UGT2B4: variants seen among roughly 807,000 people sequenced by gnomAD.
UGT2B4 encodes UDP-glucuronosyltransferase 2B4.
In UGT2B4, 49 loss-of-function variants were observed where a neutral mutation model predicts 49.8. The observed-to-expected ratio is 0.98, with a 90% CI of 0.78 to 1.25. The LOEUF (loss-of-function observed/expected upper bound fraction) is 1.25. Among genes scored for constraint, UGT2B4 ranks in the 50% most tolerant of loss-of-function variants. UGT2B4 has a pLI of 0.00. For synonymous variants in UGT2B4, 246 were observed against 217.7 expected, an observed-to-expected ratio of 1.13 and a Z score of -1.14; for missense variants, 729 against 627.7, an observed-to-expected ratio of 1.16 and a Z score of -1.73.
chr4:69,525,215 A>G (rs1728953426), intron 1 of UGT2B4, among the ~76,000 whole-genome samples: 1 of 152,200 alleles, frequency 6.6e-6, no homozygotes, highest in African/African-American at 2.4e-5. Context: ...TGACAAGTAA[A>G]GTCAAGAGCT....
intron 1 of UGT2B4, among the ~76,000 whole-genome samples, chr4:69,518,699 A>G (rs1728785850): frequency 6.6e-6 from 1 of 152,196 alleles, no homozygotes; most frequent in Non-Finnish European, 1.5e-5. Flanking sequence ...ACACACTGAA[A>G]CATACACACA....
At chr4:69,523,752 TAAAG>T (rs1412865190) in intron 1 of UGT2B4, among the ~76,000 whole-genome samples, 1 of 152,122 alleles carries the variant, frequency 6.6e-6, no homozygotes, top group Non-Finnish European at 1.5e-5. Flanking sequence ...CTTTCACTAT[TAAAG>T]ACTCAAGTGA....
intron 1 of UGT2B4, among the ~76,000 whole-genome samples, chr4:69,516,584 T>C (rs894406757): frequency 6.6e-6 from 1 of 152,104 alleles, no homozygotes; most frequent in Admixed American, 6.6e-5. Context: ...TAATGATCAG[T>C]GATGTGGACA....
chr4:69,515,121 A>T (rs545308432), intron 1 of UGT2B4, among the ~76,000 whole-genome samples: 76 of 152,302 alleles, frequency 5.0e-4, no homozygotes, highest in African/African-American at 1.7e-3. Context: ...ATTGAGACAG[A>T]AAATTAACAA....
chr4:69,482,318 A>G (rs1184127291), intron 5 of UGT2B4, among the ~76,000 whole-genome samples: 1 of 152,218 alleles, frequency 6.6e-6, no homozygotes, highest in Non-Finnish European at 1.5e-5. Context: ...AATACATTGT[A>G]CGTCTTCTAA....
chr4:69,525,410 C>G (rs1728957479), intron 1 of UGT2B4, among the ~76,000 whole-genome samples: 1 of 152,012 alleles, frequency 6.6e-6, no homozygotes, highest in South Asian at 2.1e-4. Context: ...CATGAATGAT[C>G]AAAACACAGA....
rs1727551527 is a variant in UGT2B4, at chr4:69,480,521, A to C, written c.*113T>G. On this transcript the variant is annotated 3_prime_UTR_variant, in exon 6 of 6. Transcript: ENST00000305107. ...TTTTGACTTGACAAGGTAAGTTTTG[A>C]AAGATGTTTTGTCACAAGAAGAAAG... 6.7e-7 allele frequency: 1 copy of C among 1,485,230 alleles called. No homozygotes were observed. Among genetic ancestry groups the C allele is most frequent in the South Asian group, 1.4e-5 (1 of 70,450 alleles). The allele number at this position is 1,485,230 out of a possible 1,614,324, so 92.0% of individuals were successfully genotyped here. A position where few individuals can be genotyped will look rare whatever the true frequency, so the allele number is the denominator to read the frequency against.
At chr4:69,501,597 C>T (rs948847897) in intron 1 of UGT2B4, among the ~76,000 whole-genome samples, 2 of 152,086 alleles carry the variant, frequency 1.3e-5, no homozygotes, top group African/African-American at 4.8e-5. Context: ...AAGTGGATCC[C>T]TGACCCTGCT....
intron 1 of UGT2B4, among the ~76,000 whole-genome samples, chr4:69,494,724 T>A (rs957100150): frequency 4.6e-5 from 7 of 152,076 alleles, no homozygotes; most frequent in Non-Finnish European, 8.8e-5. Flanking sequence ...GACTGAAATA[T>A]ACAAGAAAAA....
chr4:69,511,149 G>A (rs1442562297), intron 1 of UGT2B4, among the ~76,000 whole-genome samples: 2 of 151,404 alleles, frequency 1.3e-5, no homozygotes, highest in Non-Finnish European at 2.9e-5. Context: ...ATGCCACCAC[G>A]CCGGCTAATT....
Position 69,480,871 on chromosome 4 carries a change from A to C in UGT2B4, c.1350T>G (p.His450Gln), listed in dbSNP as rs1312839815. 1 of 1,613,756 alleles carries C rather than the reference A, an allele frequency of 6.2e-7. No homozygotes were observed. Among genetic ancestry groups the C allele is most frequent in the Non-Finnish European group, 8.5e-7 (1 of 1,179,832 alleles). ...GATCAAGGGGCTTCACTGGTTGATC[A>C]TGATGAATTCTTGATAATTTCATAG... ...ENAMKLSRIH[H>Q]DQPVKPLDRA... Residue 450 changes from histidine (H) to glutamine (Q), a missense_variant, in exon 6 of 6, where the codon CAT becomes CAG. Physicochemically the swap from His to Gln is conservative, Grantham distance 24 (BLOSUM62 0). Coordinates refer to ENST00000305107, the MANE Select transcript of UGT2B4 (RefSeq NM_021139.3).
chr4:69,485,232 A>T lies in UGT2B4; in HGVS notation c.1286T>A (p.Leu429Gln). The T allele has an allele frequency of 6.2e-7, 1 of 1,614,024 alleles. No individual in the cohort carries two copies. Among genetic ancestry groups the T allele is most frequent in the Non-Finnish European group, 8.5e-7 (1 of 1,179,928 alleles). Residue 429 changes from leucine to glutamine, a missense_variant, in exon 5 of 6, where the codon CTG (leucine) becomes CAG (glutamine). By Grantham distance (113) the Leu-to-Gln change is moderately radical. Coordinates refer to ENST00000305107, the MANE Select transcript of UGT2B4 (RefSeq NM_021139.3). The stretch of plus-strand genomic sequence containing the variant: ...CAAAGGATCATTAATTACTGTCTTC[A>T]GTGCATTGAGTAAGTCTGTACTCGA... ...TMSSTDLLNALKTVINDPLYK... is the reference protein window; with the variant it reads ...TMSSTDLLNAQKTVINDPLYK...
chr4:69,500,704 C>T (rs115881366), upstream of UGT2B4, among the ~76,000 whole-genome samples: 129 of 151,106 alleles, frequency 8.5e-4, no homozygotes, highest in African/African-American at 2.8e-3. Context: ...GGATGATGGT[C>T]CATCCAGGAG....
chr4:69,515,040 A>G (rs941054640), intron 1 of UGT2B4, among the ~76,000 whole-genome samples: 2 of 152,208 alleles, frequency 1.3e-5, no homozygotes, highest in Admixed American at 1.3e-4. Context: ...TTAGAGACCT[A>G]CAGAGAGTCT....
At chr4:69,492,258 A>G (rs1044198119) in intron 2 of UGT2B4, among the ~76,000 whole-genome samples, 2 of 152,012 alleles carry the variant, frequency 1.3e-5, no homozygotes, top group African/African-American at 4.8e-5. Context: ...AAGGCAGAAA[A>G]CACCTGCTCT....
chr4:69,512,067 T>A (rs753935599), intron 1 of UGT2B4, among the ~76,000 whole-genome samples: 4 of 151,872 alleles, frequency 2.6e-5, no homozygotes, highest in Non-Finnish European at 5.9e-5. Flanking sequence ...ATTTGAAAAT[T>A]TTATCTTTTC....
At chr4:69,494,628 G>T (rs1269129374) in intron 1 of UGT2B4, among the ~76,000 whole-genome samples, 1 of 152,072 alleles carries the variant, frequency 6.6e-6, no homozygotes, top group African/African-American at 2.4e-5. Context: ...ATTGGTTTTT[G>T]ATTCTGAAAT....
At chr4:69,514,078 A>C (rs1251528411) in intron 1 of UGT2B4, among the ~76,000 whole-genome samples, 1 of 152,022 alleles carries the variant, frequency 6.6e-6, no homozygotes, top group East Asian at 1.9e-4. Flanking sequence ...CAAAATCTTT[A>C]AAATTTTGCA....
At chr4:69,522,541 A>C (rs1236736185) in intron 1 of UGT2B4, among the ~76,000 whole-genome samples, 1 of 152,236 alleles carries the variant, frequency 6.6e-6, no homozygotes, top group Non-Finnish European at 1.5e-5. Context: ...AAAATAATGT[A>C]CACACCTCAA....
Sources: gnomAD v4.1 joint callset for allele counts (sites outside exome capture counted in the v4.1 genomes callset) on GRCh38, gnomAD v4.1.1 for gene constraint, MANE v1.5 for transcripts, NCBI Gene and HGNC (gene_info 2026-07-23, HGNC 2026-07-21) for gene names.